Variants in INPP4B observed in about 807,000 individuals in gnomAD.
INPP4B encodes inositol polyphosphate 4-phosphatase type II.
INPP4B carries 55 observed loss-of-function variants against 122.5 expected under a neutral mutation model. The ratio of observed to expected loss-of-function variants is 0.45; its 90% CI spans 0.36 to 0.56. The LOEUF (loss-of-function observed/expected upper bound fraction) is 0.56. INPP4B is among the 20% of genes least tolerant of loss of function. The pLI is 0.00. For missense variants in INPP4B, 1,000 were observed against 1,097.7 expected, an observed-to-expected ratio of 0.91 and a Z score of 1.26; for synonymous variants, 403 against 388.7, an observed-to-expected ratio of 1.04 and a Z score of -0.43.
intron 22 of INPP4B, among the ~76,000 whole-genome samples, chr4:142,109,017 C>T (rs1440062539): frequency 6.6e-6 from 1 of 152,120 alleles, no homozygotes; most frequent in East Asian, 1.9e-4. Flanking sequence ...TGAACCATTG[C>T]TAAGCATGTC....
chr4:142,587,610 G>A (rs778927167), intron 2 of INPP4B, among the ~76,000 whole-genome samples: 34 of 152,050 alleles, frequency 2.2e-4, no homozygotes, highest in Non-Finnish European at 3.7e-4. Context: ...ATACATGCAT[G>A]CAATGCATAA....
intron 25 of INPP4B, among the ~76,000 whole-genome samples, chr4:142,077,379 A>G (rs1771364826): frequency 6.6e-6 from 1 of 151,958 alleles, no homozygotes; most frequent in Non-Finnish European, 1.5e-5. Flanking sequence ...TCATCATCCT[A>G]GAGTTCCTGT....
intron 9 of INPP4B, among the ~76,000 whole-genome samples, chr4:142,283,654 C>A (rs1752216135): frequency 6.6e-6 from 1 of 152,018 alleles, no homozygotes; most frequent in African/African-American, 2.4e-5. Flanking sequence ...TACTTGTGTA[C>A]CTAAACATGG....
At chr4:142,126,978 A>T (rs1480860595) in intron 18 of INPP4B, among the ~76,000 whole-genome samples, 2 of 152,164 alleles carry the variant, frequency 1.3e-5, no homozygotes, top group African/African-American at 4.8e-5. Context: ...TAAATTTTAA[A>T]CGATAACAGA....
Position 142,153,708 on chromosome 4 carries a change from T to A in INPP4B, c.1563+6650A>T, listed in dbSNP as rs78871437. On this transcript the variant is annotated intron_variant, in intron 17 of 25. Transcript: ENST00000262992. ...AGGATGAGCTGTTGATATCAGCAAG[T>A]CTATCCATTCACTTATTCCTACATT... Among the ~76,000 whole-genome samples, 59 of 152,312 alleles carry A rather than the reference T, an allele frequency of 3.9e-4. No homozygotes were observed. The East Asian group carries it at 0.011, about 28-fold the overall frequency.
chr4:142,246,814 C>G (rs2150122938), intron 11 of INPP4B, among the ~76,000 whole-genome samples: 1 of 152,196 alleles, frequency 6.6e-6, no homozygotes, highest in Non-Finnish European at 1.5e-5. Context: ...ATTGCCCTGG[C>G]CAGAAATTCC....
intron 2 of INPP4B, among the ~76,000 whole-genome samples, chr4:142,465,375 G>C (rs1199177683): frequency 6.6e-6 from 1 of 152,050 alleles, no homozygotes; most frequent in Non-Finnish European, 1.5e-5. Flanking sequence ...ATGCAAACAA[G>C]ACGTTATTTA....
At chr4:142,603,760 A>T (rs1425078299) in intron 2 of INPP4B, among the ~76,000 whole-genome samples, 3 of 152,160 alleles carry the variant, frequency 2.0e-5, no homozygotes, top group Non-Finnish European at 2.9e-5. Context: ...GAACAGATGG[A>T]TTCAGTGTAA....
At position 142,789,591 on chromosome 4, in the gene INPP4B, C is replaced by T. The variant is rs192611707; in HGVS notation, c.-254+56618G>A. Among the ~76,000 whole-genome samples the T allele has an allele frequency of 5.2e-4, 79 of 152,116 alleles. 2 individuals carry two copies. Among genetic ancestry groups the T allele is most frequent in the African/African-American group, 1.6e-3 (66 of 41,536 alleles). On this transcript the variant is annotated intron_variant, in intron 1 of 25. Coordinates refer to ENST00000262992, the MANE Select transcript of INPP4B (RefSeq NM_001101669.3). ...TACTGCTGAAAGAAATCATAGACAACACAAATAAATGGAAACACATTCCAT... is the reference window on the plus strand; with the variant it reads ...TACTGCTGAAAGAAATCATAGACAATACAAATAAATGGAAACACATTCCAT...
intron 15 of INPP4B, among the ~76,000 whole-genome samples, chr4:142,186,466 G>A (rs1024124419): frequency 6.6e-5 from 10 of 152,176 alleles, no homozygotes; most frequent in Non-Finnish European, 1.2e-4. Flanking sequence ...CCAGAATGGA[G>A]GACAGAAAAA....
intron 15 of INPP4B, among the ~76,000 whole-genome samples, chr4:142,185,320 G>C (rs1055944184): frequency 6.6e-6 from 1 of 151,622 alleles, no homozygotes; most frequent in African/African-American, 2.4e-5. Context: ...TCTCAATCTT[G>C]AGGTGTATGG....
chr4:142,124,609 T>C lies in INPP4B; in HGVS notation c.1872A>G (p.Arg624=), dbSNP rs773267501. 12 of 1,613,318 alleles carry C rather than the reference T, an allele frequency of 7.4e-6. No individual in the cohort carries two copies. The Admixed American group carries it at 2.0e-4, about 27-fold the overall frequency. The change falls in exon 19 of 26, where the codon AGA becomes AGG. Residue 624 remains arginine, a synonymous_variant. Transcript: ENST00000262992. The part of the protein sequence containing the change: ...LPQCLMLTLR[R]DIVFSQALAG... ...CTACTGCTTGGCTGAAGACGATGTC[T>C]CTTCTTAGCGTCAGCATCAGACACT...
At chr4:142,766,816 A>G (rs1485792425) in intron 1 of INPP4B, 1 of 152,210 alleles carries the variant, frequency 6.6e-6, no homozygotes, top group Non-Finnish European at 1.5e-5. Flanking sequence ...GGATCCAGAG[A>G]TGACACCAGC....
chr4:142,289,764 A>G (rs1282333949), intron 9 of INPP4B, among the ~76,000 whole-genome samples: 1 of 152,064 alleles, frequency 6.6e-6, no homozygotes, highest in East Asian at 1.9e-4. Context: ...CTTTCTCTTA[A>G]AACCTGTCTT....
intron 25 of INPP4B, among the ~76,000 whole-genome samples, chr4:142,068,324 C>G (rs981795622): frequency 2.0e-5 from 3 of 152,078 alleles, no homozygotes; most frequent in Non-Finnish European, 4.4e-5. Context: ...AAGAGCTCCT[C>G]AAGGAAGCAC....
intron 2 of INPP4B, among the ~76,000 whole-genome samples, chr4:142,593,030 G>C (rs959363802): frequency 6.6e-6 from 1 of 151,842 alleles, no homozygotes; most frequent in African/African-American, 2.4e-5. Context: ...CTTGAGCTAG[G>C]GAGTTCAAGG....
At chr4:142,543,334 AT>A (rs1189582997) in intron 2 of INPP4B, among the ~76,000 whole-genome samples, 2 of 152,194 alleles carry the variant, frequency 1.3e-5, no homozygotes, top group Admixed American at 1.3e-4. Context: ...GCTACTGCAC[AT>A]TTGGTAAATA....
chr4:142,303,128 A>G (rs138239850), intron 9 of INPP4B, among the ~76,000 whole-genome samples: 1 of 152,276 alleles, frequency 6.6e-6, no homozygotes, highest in East Asian at 1.9e-4. Flanking sequence ...TGCAGGAAAA[A>G]AAAATAAAAG....
At chr4:142,267,808 C>T (rs1166316072) in intron 10 of INPP4B, among the ~76,000 whole-genome samples, 1 of 152,016 alleles carries the variant, frequency 6.6e-6, no homozygotes, top group Non-Finnish European at 1.5e-5. Context: ...GCAAACCATA[C>T]ACCTGATAAG....
Sources: gnomAD v4.1 joint callset for allele counts (sites outside exome capture counted in the v4.1 genomes callset) on GRCh38, gnomAD v4.1.1 for gene constraint, MANE v1.5 for transcripts, NCBI Gene and HGNC (gene_info 2026-07-23, HGNC 2026-07-21) for gene names.